ZBBX: variants seen among roughly 807,000 people sequenced by gnomAD.
ZBBX encodes zinc finger B-box domain containing.
In ZBBX, 101 loss-of-function variants were observed where a neutral mutation model predicts 108.5. The ratio of observed to expected loss-of-function variants is 0.93; its 90% CI spans 0.79 to 1.10. The LOEUF is 1.10. Ranked by LOEUF, ZBBX falls within the 50% of genes least tolerant of loss-of-function variation. ZBBX has a pLI of 0.00. For synonymous variants in ZBBX, 356 were observed against 323.4 expected, an observed-to-expected ratio of 1.10 and a Z score of -1.08; for missense variants, 1,009 against 941.4, an observed-to-expected ratio of 1.07 and a Z score of -0.94.
rs1212250733 is a variant in ZBBX at position 167,271,265 on chromosome 3, T to C, written c.2254+10973A>G. Among the ~76,000 whole-genome samples, 3 of 152,192 alleles carry C rather than the reference T, an allele frequency of 2.0e-5. No individual in the cohort carries two copies. The East Asian group carries it at 5.8e-4, about 29-fold the overall frequency. On this transcript the variant is annotated intron_variant, in intron 20 of 21. Coordinates refer to ENST00000675490, the MANE Select transcript of ZBBX (RefSeq NM_001199201.2). ...TCACAAGGAGTTAATCACCCAAGTATTAGATAATCTTCAGTTTCCTGAAGA... is the reference window on the plus strand; with the variant it reads ...TCACAAGGAGTTAATCACCCAAGTACTAGATAATCTTCAGTTTCCTGAAGA...
chr3:167,305,996 C>T lies in ZBBX; in HGVS notation c.1418-46G>A, dbSNP rs192776908. The T allele has an allele frequency of 1.4e-4, 192 of 1,376,856 alleles. 1 individual carries two copies. The Middle Eastern group carries it at 4.0e-3, about 29-fold the overall frequency. 85.3% of individuals were successfully genotyped at this position (1,376,856 alleles called of 1,614,324 possible). A position where few individuals can be genotyped will look rare whatever the true frequency, so the allele number is the denominator to read the frequency against. Reference sequence around the variant, plus strand: ...CAAAAGGTACATAAATAAATTTAAACAAATAATTAAACTGTTAATAAACCA... The same window carrying T: ...CAAAAGGTACATAAATAAATTTAAATAAATAATTAAACTGTTAATAAACCA... On this transcript the variant is annotated intron_variant, in intron 16 of 21. Transcript: ENST00000675490.
the ZBBX span, among the ~76,000 whole-genome samples, chr3:167,178,701 C>T: frequency 6.6e-6 from 1 of 152,178 alleles, no homozygotes; most frequent in Non-Finnish European, 1.5e-5. Context: ...ATTTTACCTG[C>T]TTCCCAACTT....
At chr3:167,279,362 C>A (rs1313194888) in intron 20 of ZBBX, among the ~76,000 whole-genome samples, 1 of 151,740 alleles carries the variant, frequency 6.6e-6, no homozygotes, top group African/African-American at 2.4e-5. Context: ...TGTCTCAGCC[C>A]AAAATCTCCT....
chr3:167,395,938 C>T (rs1748222369), intron 1 of ZBBX, among the ~76,000 whole-genome samples: 1 of 152,004 alleles, frequency 6.6e-6, no homozygotes, highest in Admixed American at 6.6e-5. Context: ...CTGGAGTCTA[C>T]TTTAAGGCTT....
At chr3:167,205,773 G>A in the ZBBX span, among the ~76,000 whole-genome samples, 2,036 of 152,188 alleles carry the variant, frequency 0.013, 22 homozygotes, top group South Asian at 0.026. Flanking sequence ...TTCAAAACCT[G>A]TAATAACTAC....
chr3:167,267,303 C>G (rs1725697169), intron 20 of ZBBX, among the ~76,000 whole-genome samples: 1 of 152,076 alleles, frequency 6.6e-6, no homozygotes, highest in Non-Finnish European at 1.5e-5. Context: ...GAACCTTCAG[C>G]AGGTAGGGCT....
Position 167,353,913 on chromosome 3 carries a change from T to C in ZBBX, c.433-3398A>G, listed in dbSNP as rs187050179. ...ACATTACTAATCTTTAAATTAATCA[T>C]TTACAATAAACTAAAATAGTGATCA... is the stretch of plus-strand genomic sequence containing the variant. On this transcript the variant is annotated intron_variant, in intron 8 of 21. Transcript: ENST00000675490. 2.6e-4 allele frequency among the ~76,000 whole-genome samples: 40 copies of C among 152,064 alleles called. No individual in the cohort carries two copies. The East Asian group carries it at 7.5e-3, about 29-fold the overall frequency.
downstream of ZBBX, among the ~76,000 whole-genome samples, chr3:167,237,530 G>A (rs936436253): frequency 2.6e-5 from 4 of 151,818 alleles, no homozygotes; most frequent in African/African-American, 9.7e-5. Context: ...TTAGAACCAG[G>A]TCCGTAGCAG....
chr3:167,400,108 A>T (rs892589478), intron 1 of ZBBX, among the ~76,000 whole-genome samples: 14 of 152,162 alleles, frequency 9.2e-5, no homozygotes, highest in African/African-American at 2.9e-4. Flanking sequence ...TCCACCATTG[A>T]TGGAACCCTA....
intron 15 of ZBBX, 45 bp from the exon 16 acceptor site, chr3:167,314,161 A>T: frequency 2.0e-6 from 3 of 1,509,988 alleles, no homozygotes; most frequent in Non-Finnish European, 2.7e-6. Flanking sequence ...TGAAAAAATG[A>T]TTTTAAAAAG....
At chr3:167,355,337 T>C (rs1743370044) in intron 8 of ZBBX, among the ~76,000 whole-genome samples, 1 of 152,016 alleles carries the variant, frequency 6.6e-6, no homozygotes, top group African/African-American at 2.4e-5. Flanking sequence ...TTACGTGTGA[T>C]AACTTTGAGG....
chr3:167,320,111 C>T (rs765060837), intron 12 of ZBBX, among the ~76,000 whole-genome samples: 1 of 151,440 alleles, frequency 6.6e-6, no homozygotes, highest in African/African-American at 2.4e-5. Context: ...ACCTAGAGTC[C>T]AGATCTTTGT....
intron 20 of ZBBX, among the ~76,000 whole-genome samples, chr3:167,274,280 A>G (rs556734250): frequency 3.9e-5 from 6 of 152,192 alleles, no homozygotes; most frequent in African/African-American, 1.4e-4. Context: ...CCCAATCTTC[A>G]CTTCTCTTGC....
chr3:167,222,438 G>T, the ZBBX span, among the ~76,000 whole-genome samples: 1 of 151,666 alleles, frequency 6.6e-6, no homozygotes, highest in Non-Finnish European at 1.5e-5. Context: ...AGGAGGTGGG[G>T]TGGAGGAAGA....
chr3:167,344,479 A>T (rs1313183448), intron 9 of ZBBX, among the ~76,000 whole-genome samples: 2 of 151,834 alleles, frequency 1.3e-5, no homozygotes, highest in South Asian at 2.1e-4. Flanking sequence ...ATTCTGACTC[A>T]TCAAGGACTT....
chr3:167,353,438 C>T (rs1743000427), intron 8 of ZBBX, among the ~76,000 whole-genome samples: 1 of 151,866 alleles, frequency 6.6e-6, no homozygotes, highest in Non-Finnish European at 1.5e-5. Context: ...GAGAGCTAAA[C>T]AATGGGTGTT....
chr3:167,205,640 A>G, the ZBBX span, among the ~76,000 whole-genome samples: 1 of 152,166 alleles, frequency 6.6e-6, no homozygotes, highest in African/African-American at 2.4e-5. Context: ...AGCCCTCACA[A>G]GAGTGTCATG....
chr3:167,234,927 T>C (rs1016196354), downstream of ZBBX, among the ~76,000 whole-genome samples: 1 of 151,722 alleles, frequency 6.6e-6, no homozygotes, highest in African/African-American at 2.4e-5. Context: ...TTCCCACTTC[T>C]TCCTTCTTGA....
chr3:167,226,135 T>C, the ZBBX span, among the ~76,000 whole-genome samples: 4 of 147,590 alleles, frequency 2.7e-5, no homozygotes, highest in South Asian at 6.5e-4. Flanking sequence ...TGTTAGATAA[T>C]AATGATAAAA....
Sources: gnomAD v4.1 joint callset for allele counts (sites outside exome capture counted in the v4.1 genomes callset) on GRCh38, gnomAD v4.1.1 for gene constraint, MANE v1.5 for transcripts, NCBI Gene and HGNC (gene_info 2026-07-23, HGNC 2026-07-21) for gene names.